The following ZNF609 variants were observed in gnomAD, a reference collection of about 807,000 sequenced individuals.
The protein encoded by ZNF609 is zinc finger protein 609.
Under a neutral mutation model 109.5 loss-of-function variants are expected in ZNF609, and 11 were observed. The ratio of observed to expected loss-of-function variants is 0.10; its 90% CI spans 0.06 to 0.17. The LOEUF is 0.17. Ranked by LOEUF, ZNF609 falls within the 10% of genes least tolerant of loss-of-function variation. The pLI is 1.00. For synonymous variants in ZNF609, 646 were observed against 662.0 expected (o/e 0.98, Z 0.37); for missense variants, 1,559 against 1,772.4 (o/e 0.88, Z 2.16).
rs1296267501 is a variant in ZNF609, at chr15:64,565,057, C to CT, written c.748-57757dup. Reference sequence around the variant, plus strand: ...TAGAGACGGGGTTTTCTTTTTTTTTCTTTTTTTTTTTTTGAGACGGAGTCT... The same window carrying CT: ...TAGAGACGGGGTTTTCTTTTTTTTTCTTTTTTTTTTTTTTGAGACGGAGTCT... On this transcript the variant is annotated intron_variant, in intron 2 of 9. Transcript: ENST00000326648. 6.2e-3 allele frequency among the ~76,000 whole-genome samples: 715 copies of CT among 115,584 alleles called. 1 individual carries two copies. Among genetic ancestry groups the CT allele is most frequent in the Non-Finnish European group, 8.8e-3 (473 of 53,496 alleles). 75.8% of individuals were successfully genotyped at this position (115,584 alleles called of 152,430 possible). A position where few individuals can be genotyped will look rare whatever the true frequency, so the allele number is the denominator to read the frequency against.
chr15:64,500,412 G>T, intron 2 of ZNF609: 1 of 719,272 alleles, frequency 1.4e-6, no homozygotes, highest in South Asian at 1.5e-5. Flanking sequence ...CAGCTACTTT[G>T]TAGAATGAAC....
chr15:64,595,434 G>T (rs995877245), intron 2 of ZNF609, among the ~76,000 whole-genome samples: 8 of 151,902 alleles, frequency 5.3e-5, no homozygotes, highest in Non-Finnish European at 1.0e-4. Flanking sequence ...TGACAATGCA[G>T]CTGTGCCAGA....
At chr15:64,566,010 G>A (rs368301474) in intron 2 of ZNF609, among the ~76,000 whole-genome samples, 4 of 152,084 alleles carry the variant, frequency 2.6e-5, no homozygotes, top group Non-Finnish European at 4.4e-5. Flanking sequence ...CACCATGCCC[G>A]GCTAATTTTG....
chr15:64,639,071 G>A (rs1475099921), intron 3 of ZNF609, among the ~76,000 whole-genome samples: 1 of 152,074 alleles, frequency 6.6e-6, no homozygotes, highest in Non-Finnish European at 1.5e-5. Context: ...ACCAGCCTGG[G>A]CAACATAGTG....
chr15:64,475,569 G>A (rs1445137718), intron 1 of ZNF609, among the ~76,000 whole-genome samples: 2 of 151,598 alleles, frequency 1.3e-5, no homozygotes, highest in Non-Finnish European at 2.9e-5. Flanking sequence ...TTGTATTTTA[G>A]TAGAGACGGG....
At chr15:64,598,718 T>C (rs975291520) in intron 2 of ZNF609, among the ~76,000 whole-genome samples, 2 of 138,730 alleles carry the variant, frequency 1.4e-5, no homozygotes, top group Admixed American at 7.6e-5. Context: ...TGAAGAAAAC[T>C]GTCCATCATA....
intron 2 of ZNF609, among the ~76,000 whole-genome samples, chr15:64,609,130 T>TTCCTTCTTTCTTTC (rs750700444): frequency 1.2e-5 from 1 of 84,120 alleles, no homozygotes; most frequent in Non-Finnish European, 2.4e-5. Flanking sequence ...CTTTCTTTCT[T>TTCCTTCTTTCTTTC]TTTTTCTTTC....
intron 2 of ZNF609, among the ~76,000 whole-genome samples, chr15:64,563,908 G>C (rs905528319): frequency 6.6e-6 from 1 of 152,124 alleles, no homozygotes; most frequent in African/African-American, 2.4e-5. Flanking sequence ...TTTTGAGACG[G>C]AGTCTCGCTC....
rs1379814309 is a variant in ZNF609 at position 64,676,050 on chromosome 15, A to G, written c.3196A>G (p.Lys1066Glu). ...AGACCTGGTGAAATCAGGACCTGGC[A>G]AGGCCAAGGAGCCAGGGGCTGACCC... ...LTDLVKSGPG[K>E]AKEPGADPAK... The change falls in exon 5 of 10, where the codon AAG becomes GAG. Residue 1066 changes from lysine to glutamate, a missense_variant. Coordinates refer to ENST00000326648, the MANE Select transcript of ZNF609 (RefSeq NM_015042.2). 1 of 1,614,132 alleles carries G rather than the reference A, an allele frequency of 6.2e-7. No homozygotes were observed. The highest frequency in any genetic ancestry group is 8.5e-7 in the Non-Finnish European group (1 of 1,180,050).
At position 64,499,400 on chromosome 15, in the gene ZNF609, G is replaced by A. The variant is rs941142888; in HGVS notation, c.-20G>A. 1.9e-6 allele frequency: 3 copies of A among 1,606,658 alleles called. No homozygotes were observed. The highest frequency in any genetic ancestry group is 2.6e-6 in the Non-Finnish European group (3 of 1,175,638). On this transcript the variant is annotated 5_prime_UTR_variant, in exon 2 of 10. Coordinates refer to ENST00000326648, the MANE Select transcript of ZNF609 (RefSeq NM_015042.2). The stretch of plus-strand genomic sequence containing the variant: ...GGCAAGGAAGAGCCTTGAATCTTGA[G>A]GTGGGACGTTGACTCTAAGATGTCC...
At chr15:64,560,361 A>T (rs1388897447) in intron 2 of ZNF609, among the ~76,000 whole-genome samples, 1 of 150,338 alleles carries the variant, frequency 6.7e-6, no homozygotes, top group Admixed American at 6.6e-5. Context: ...CTGGTTTTTT[A>T]ATTTGTTTTT....
chr15:64,537,813 A>G (rs1274499470), intron 2 of ZNF609, among the ~76,000 whole-genome samples: 1 of 152,006 alleles, frequency 6.6e-6, no homozygotes, highest in Non-Finnish European at 1.5e-5. Context: ...TGTATATCCT[A>G]GGGCTGGGCG....
intron 2 of ZNF609, among the ~76,000 whole-genome samples, chr15:64,535,151 G>T (rs1374383423): frequency 6.6e-6 from 1 of 152,064 alleles, no homozygotes; most frequent in Non-Finnish European, 1.5e-5. Flanking sequence ...TGAACTCCTA[G>T]CCTCAAACTA....
chr15:64,670,257 A>G, intron 3 of ZNF609, 89 bp from the exon 4 acceptor site: 1 of 1,076,064 alleles, frequency 9.3e-7, no homozygotes, highest in Non-Finnish European at 1.4e-6. Flanking sequence ...AAACCCTCTT[A>G]TAGAAGTCAG....
chr15:64,533,381 G>A (rs1043778226), intron 2 of ZNF609, among the ~76,000 whole-genome samples: 7 of 152,160 alleles, frequency 4.6e-5, no homozygotes, highest in Non-Finnish European at 1.0e-4. Context: ...TTTTCAATCA[G>A]TGTTATTCAT....
chr15:64,655,068 C>G (rs996605553), intron 3 of ZNF609, among the ~76,000 whole-genome samples: 1 of 149,096 alleles, frequency 6.7e-6, no homozygotes, highest in African/African-American at 2.5e-5. Context: ...TGTGGTCCAG[C>G]CTGGGTGACA....
chr15:64,531,839 C>T (rs1163514489), intron 2 of ZNF609, among the ~76,000 whole-genome samples: 2 of 152,194 alleles, frequency 1.3e-5, no homozygotes, highest in African/African-American at 2.4e-5. Context: ...TCCATTCTCT[C>T]TCTTTCTAAC....
chr15:64,578,216 C>G (rs1044125873), intron 2 of ZNF609, among the ~76,000 whole-genome samples: 1 of 151,298 alleles, frequency 6.6e-6, no homozygotes, highest in African/African-American at 2.4e-5. Context: ...ATGATCTCAG[C>G]CCACTGCGCC....
At chr15:64,647,125 G>T (rs1896347851) in intron 3 of ZNF609, among the ~76,000 whole-genome samples, 1 of 147,130 alleles carries the variant, frequency 6.8e-6, no homozygotes, top group African/African-American at 2.5e-5. Flanking sequence ...GACAGAGTGA[G>T]ACCCTGTCTC....
Sources: gnomAD v4.1 joint callset for allele counts (sites outside exome capture counted in the v4.1 genomes callset) on GRCh38, gnomAD v4.1.1 for gene constraint, MANE v1.5 for transcripts, NCBI Gene and HGNC (gene_info 2026-07-23, HGNC 2026-07-21) for gene names.